GRK4: variants seen among roughly 807,000 people sequenced by gnomAD.
The protein encoded by GRK4 is G protein-coupled receptor kinase 2-like.
In GRK4, 73 loss-of-function variants were observed where a neutral mutation model predicts 77.9. That is an observed-to-expected ratio of 0.94 (90% CI 0.78 to 1.14). GRK4 has a LOEUF of 1.14. Ranked by LOEUF, GRK4 falls within the 50% of genes most tolerant of loss-of-function variation. The pLI is 0.00. For synonymous variants in GRK4, 257 were observed against 254.4 expected (o/e 1.01, Z -0.10); for missense variants, 729 against 700.2 (o/e 1.04, Z -0.46).
At chr4:3,036,217 T>C (rs1431802482) in intron 13 of GRK4, among the ~76,000 whole-genome samples, 1 of 152,208 alleles carries the variant, frequency 6.6e-6, no homozygotes, top group African/African-American at 2.4e-5. Flanking sequence ...GGAACGCGTG[T>C]CCCCACTCTG....
At chr4:3,011,647 C>T (rs1160819050) in intron 7 of GRK4, among the ~76,000 whole-genome samples, 1 of 152,216 alleles carries the variant, frequency 6.6e-6, no homozygotes, top group Non-Finnish European at 1.5e-5. Flanking sequence ...GAATGCCTGT[C>T]AGAAGGAGCC....
chr4:2,988,075 C>CAAAAA (rs67664476), intron 2 of GRK4, among the ~76,000 whole-genome samples: 17 of 33,674 alleles, frequency 5.0e-4, no homozygotes, highest in South Asian at 1.1e-3. Context: ...GGCTCTGTCT[C>CAAAAA]AAAAAAAAAA....
At chr4:2,970,364 A>T (rs1719104098) in intron 1 of GRK4, among the ~76,000 whole-genome samples, 1 of 152,200 alleles carries the variant, frequency 6.6e-6, no homozygotes, top group South Asian at 2.1e-4. Flanking sequence ...CTGATACTAT[A>T]AAATAATATT....
intron 9 of GRK4, among the ~76,000 whole-genome samples, chr4:3,021,424 T>G (rs1736047014): frequency 6.6e-6 from 1 of 152,194 alleles, no homozygotes; most frequent in African/African-American, 2.4e-5. Flanking sequence ...GACGATGAGC[T>G]TCTTGGGAGT....
intron 13 of GRK4, among the ~76,000 whole-genome samples, chr4:3,036,960 G>T (rs539904200): frequency 1.3e-5 from 2 of 152,218 alleles, no homozygotes; most frequent in South Asian, 4.1e-4. Flanking sequence ...TCCAATACGT[G>T]CAGTCCACCC....
At chr4:3,001,326 TACACACACACAC>T (rs771757282) in intron 4 of GRK4, among the ~76,000 whole-genome samples, 84 of 115,198 alleles carry the variant, frequency 7.3e-4, no homozygotes, top group African/African-American at 1.8e-3. Context: ...TGAGTACATA[TACACACACACAC>T]ACACACACAC....
chr4:3,027,967 G>T lies in GRK4; in HGVS notation c.1026G>T (p.Arg342Ser). The T allele has an allele frequency of 6.2e-7, 1 of 1,614,158 alleles. No homozygotes were observed. The highest frequency in any genetic ancestry group is 8.5e-7 in the Non-Finnish European group (1 of 1,180,030). The change falls in exon 11 of 16, where the codon AGG becomes AGT. Residue 342 changes from arginine to serine, a missense_variant. Coordinates refer to ENST00000398052, the MANE Select transcript of GRK4 (RefSeq NM_182982.3). ...GLATEIPEGQRVRGRVGTVGY... is the reference protein window; with the variant it reads ...GLATEIPEGQSVRGRVGTVGY... ...CCACAGAGATCCCAGAAGGACAGAGGGTTCGAGGAAGAGTTGGAACAGTCG... is the reference window on the plus strand; with the variant it reads ...CCACAGAGATCCCAGAAGGACAGAGTGTTCGAGGAAGAGTTGGAACAGTCG...
rs368709515 is a variant in GRK4, at chr4:3,004,299, G to A, written c.408G>A (p.Glu136=). The change falls in exon 5 of 16, where the codon GAG becomes GAA. Residue 136 remains glutamate (E), a synonymous_variant. Transcript: ENST00000398052. ...AATGTAGATTGGGACTGAAGGAGGA[G>A]AACCCTTCCAAAAAAGCCTTTGAGG... ...VTECRLGLKE[E]NPSKKAFEEC... is the part of the protein sequence containing the mutation. The A allele has an allele frequency of 1.2e-6, 2 of 1,613,346 alleles. No homozygotes were observed. Among genetic ancestry groups the A allele is most frequent in the East Asian group, 4.5e-5 (2 of 44,878 alleles).
chr4:3,015,366 C>G (rs1734129669), intron 8 of GRK4, among the ~76,000 whole-genome samples: 1 of 152,166 alleles, frequency 6.6e-6, no homozygotes, highest in Admixed American at 6.5e-5. Flanking sequence ...CCCAGTGTAC[C>G]TTCACAGCCA....
rs1164354232 is a variant in GRK4 at position 3,035,524 on chromosome 4, G to A, written c.1407+1G>A. 1.9e-6 allele frequency: 3 copies of A among 1,611,936 alleles called. No individual in the cohort carries two copies. Among genetic ancestry groups the A allele is most frequent in the East Asian group, 2.2e-5 (1 of 44,844 alleles). ...GCTGGAGCCCCCTTTCTGTCCTGAT[G>A]TAAGTGCATTGCCAGGACGAGCAGG... is the stretch of plus-strand genomic sequence containing the variant. On this transcript the variant is annotated splice_donor_variant, in intron 13 of 15. Coordinates refer to ENST00000398052, the MANE Select transcript of GRK4 (RefSeq NM_182982.3). LOFTEE classifies it high-confidence loss of function.
intron 15 of GRK4, 52 bp downstream of exon 15, chr4:3,038,565 A>C (rs566140285): frequency 4.5e-5 from 69 of 1,537,370 alleles, no homozygotes; most frequent in Non-Finnish European, 5.7e-5. Context: ...AAAAAAAAAA[A>C]CATACTGACT....
At position 3,035,323 on chromosome 4, in the gene GRK4, G is replaced by T. The variant is rs540260336; in HGVS notation, c.1270-63G>T. The T allele has an allele frequency of 5.8e-5, 88 of 1,520,734 alleles. No homozygotes were observed. The African/African-American group carries it at 1.1e-3, about 19-fold the overall frequency. The allele number at this position is 1,520,734 out of a possible 1,614,324, so 94.2% of individuals were successfully genotyped here. ...GAGTCCTTTGGTTATTATTATGCAG[G>T]GGAGTTTTGAGTTTTCATTTTTATC... is the stretch of plus-strand genomic sequence containing the variant. On this transcript the variant is annotated intron_variant, in intron 12 of 15. Transcript: ENST00000398052.
At chr4:3,035,138 G>A (rs1185524384) in intron 12 of GRK4, among the ~76,000 whole-genome samples, 1 of 151,970 alleles carries the variant, frequency 6.6e-6, no homozygotes, top group Middle Eastern at 3.2e-3. Context: ...CCAGCTACTC[G>A]GGAGGCTGAG....
chr4:3,004,362 A>T (rs770872527), intron 5 of GRK4, 28 bp downstream of exon 5: 1 of 1,404,810 alleles, frequency 7.1e-7, no homozygotes, highest in East Asian at 2.3e-5. Context: ...AGCCCTGCAT[A>T]TATTATCTAT....
chr4:3,038,711 G>A (rs1434309207), intron 15 of GRK4, 198 bp downstream of exon 15: 3 of 568,564 alleles, frequency 5.3e-6, no homozygotes, highest in South Asian at 2.5e-5. Flanking sequence ...GTTTGTTGCT[G>A]GGATGAAGAC....
chr4:2,981,013 A>T (rs1353123988), intron 1 of GRK4, among the ~76,000 whole-genome samples: 3 of 152,256 alleles, frequency 2.0e-5, no homozygotes, highest in Non-Finnish European at 4.4e-5. Context: ...AGCTCCAGGC[A>T]CAGGCGCTGG....
intron 1 of GRK4, among the ~76,000 whole-genome samples, chr4:2,975,362 A>G (rs1720805003): frequency 6.6e-6 from 1 of 152,186 alleles, no homozygotes; most frequent in South Asian, 2.1e-4. Flanking sequence ...GTGGCTCCTC[A>G]GGATTCCGCA....
rs182346336 is a variant in GRK4 at position 3,035,739 on chromosome 4, T to G, written c.1407+216T>G. 2.7e-3 allele frequency among the ~76,000 whole-genome samples: 396 copies of G among 148,088 alleles called. 1 individual carries two copies. Among genetic ancestry groups the G allele is most frequent in the Middle Eastern group, 0.01 (3 of 292 alleles). ...TGCCCGGCTGCAACACAGTTTTTTG[T>G]TTTTTTTTGTTTTTTATTACAACAG... On this transcript the variant is annotated intron_variant, in intron 13 of 15. Transcript: ENST00000398052.
chr4:3,009,554 A>G, intron 6 of GRK4, 94 bp from the exon 7 acceptor site: 1 of 912,988 alleles, frequency 1.1e-6, no homozygotes, highest in Non-Finnish European at 1.8e-6. Context: ...AGAATGGTTC[A>G]ATAAATGAGG....
Sources: gnomAD v4.1 joint callset for allele counts (sites outside exome capture counted in the v4.1 genomes callset) on GRCh38, gnomAD v4.1.1 for gene constraint, MANE v1.5 for transcripts, NCBI Gene and HGNC (gene_info 2026-07-23, HGNC 2026-07-21) for gene names.